Variants in RXRA observed in about 807,000 individuals in gnomAD.
RXRA encodes the protein retinoid X receptor alpha.
RXRA carries 5 observed loss-of-function variants against 44.5 expected under a neutral mutation model. That is an observed-to-expected ratio of 0.11 (90% CI 0.06 to 0.24). The LOEUF is 0.24. Among genes scored for constraint, RXRA ranks in the 10% least tolerant of loss-of-function variants. The probability of loss-of-function intolerance (pLI) is 1.00; values close to 1 mark genes in which losing one functional copy is unlikely to be tolerated. For synonymous variants in RXRA, 291 were observed against 271.4 expected (o/e 1.07, Z -0.71); for missense variants, 412 against 646.5 (o/e 0.64, Z 3.93).
chr9:134,419,838 A>G (rs2119182488), intron 5 of RXRA, among the ~76,000 whole-genome samples: 1 of 152,298 alleles, frequency 6.6e-6, no homozygotes, highest in South Asian at 2.1e-4. Context: ...TACTGGAGCG[A>G]GAGCCTCACA....
intron 1 of RXRA, among the ~76,000 whole-genome samples, chr9:134,352,043 TC>T (rs1469481723): frequency 2.0e-5 from 3 of 152,114 alleles, no homozygotes; most frequent in African/African-American, 7.2e-5. Context: ...AGAGGGCGGC[TC>T]GGGGCAGCCC....
chr9:134,345,709 G>A (rs146153543), intron 1 of RXRA, among the ~76,000 whole-genome samples: 178 of 152,334 alleles, frequency 1.2e-3, no homozygotes, highest in African/African-American at 3.9e-3. Context: ...AGCAACTGAA[G>A]TTGAAATTAG....
chr9:134,355,176 T>C (rs1554749930), intron 1 of RXRA, among the ~76,000 whole-genome samples: 1 of 152,194 alleles, frequency 6.6e-6, no homozygotes, highest in Non-Finnish European at 1.5e-5. Flanking sequence ...TGCTGGCGTT[T>C]GTCCTCACCT....
At chr9:134,435,828 A>G (rs887658311) in intron 9 of RXRA, among the ~76,000 whole-genome samples, 1 of 152,052 alleles carries the variant, frequency 6.6e-6, no homozygotes, top group Non-Finnish European at 1.5e-5. Flanking sequence ...AGCCAGATGC[A>G]TTACTGATAC....
intron 1 of RXRA, among the ~76,000 whole-genome samples, chr9:134,329,927 C>T (rs527485254): frequency 3.3e-5 from 5 of 152,282 alleles, no homozygotes; most frequent in Admixed American, 1.3e-4. Context: ...GGGGCCTGGT[C>T]GTGCATGTGG....
intron 1 of RXRA, among the ~76,000 whole-genome samples, chr9:134,355,683 A>C (rs1372076083): frequency 6.6e-6 from 1 of 151,422 alleles, no homozygotes; most frequent in Non-Finnish European, 1.5e-5. Context: ...AGCTGTGTGC[A>C]CCCCCGCTGG....
chr9:134,429,293 G>A lies in RXRA; in HGVS notation c.1043+53G>A. The A allele has an allele frequency of 3.1e-6, 5 of 1,588,340 alleles. No homozygotes were observed. The South Asian group carries it at 4.4e-5, about 14-fold the overall frequency. On this transcript the variant is annotated intron_variant, in intron 7 of 9. Transcript: ENST00000481739. ...GCGCTTCGGTCACCTCCGCCACCAG[G>A]CCAGCTGAGTTCAGCCACCTTGGCC...
At chr9:134,329,961 G>T (rs1216684007) in intron 1 of RXRA, among the ~76,000 whole-genome samples, 1 of 152,244 alleles carries the variant, frequency 6.6e-6, no homozygotes, top group Non-Finnish European at 1.5e-5. Context: ...CATCAGGAGA[G>T]GGTGGGACAG....
intron 1 of RXRA, among the ~76,000 whole-genome samples, chr9:134,337,777 T>G (rs1030184550): frequency 1.3e-5 from 2 of 152,072 alleles, no homozygotes; most frequent in Non-Finnish European, 2.9e-5. Flanking sequence ...TGCCTTCCCT[T>G]GCATCAGACA....
intron 1 of RXRA, among the ~76,000 whole-genome samples, chr9:134,335,537 G>C (rs1196630357): frequency 6.6e-6 from 1 of 152,204 alleles, no homozygotes; most frequent in Non-Finnish European, 1.5e-5. Context: ...GTGTGACCAG[G>C]CTCCTCTGGC....
intron 1 of RXRA, among the ~76,000 whole-genome samples, chr9:134,382,946 C>T (rs970620691): frequency 5.3e-5 from 8 of 152,198 alleles, no homozygotes; most frequent in Non-Finnish European, 7.3e-5. Flanking sequence ...GCTGTCTGGA[C>T]AGGACCTGGT....
chr9:134,412,643 C>T (rs142224702), intron 4 of RXRA, among the ~76,000 whole-genome samples: 14 of 152,142 alleles, frequency 9.2e-5, no homozygotes, highest in Non-Finnish European at 1.5e-4. Context: ...GGTGGGGGGA[C>T]GTGCAGTGGT....
At chr9:134,421,878 C>A in intron 6 of RXRA, 73 bp downstream of exon 6, 2 of 1,571,500 alleles carry the variant, frequency 1.3e-6, no homozygotes, top group South Asian at 1.1e-5. Context: ...TCCCCCCTCC[C>A]GGGATACTCC....
chr9:134,370,237 A>T (rs1284288961), intron 1 of RXRA, among the ~76,000 whole-genome samples: 1 of 151,986 alleles, frequency 6.6e-6, no homozygotes, highest in East Asian at 1.9e-4. Flanking sequence ...GACGTGGGGG[A>T]GCACACGCTC....
Position 134,339,375 on chromosome 9 carries a change from C to T in RXRA, c.28+12716C>T, listed in dbSNP as rs550787827. ...GCTGGGATTCCAGCCAGGGTTTGTG[C>T]GCGTGAGCCTCTGTCTGCGTGTGAG... On this transcript the variant is annotated intron_variant, in intron 1 of 9. Transcript: ENST00000481739. Among the ~76,000 whole-genome samples, 30 of 151,956 alleles carry T rather than the reference C, an allele frequency of 2.0e-4. No homozygotes were observed. The East Asian group carries it at 5.4e-3, about 27-fold the overall frequency.
At chr9:134,403,307 C>G (rs1830993929) in intron 2 of RXRA, 1 of 152,322 alleles carries the variant, frequency 6.6e-6, no homozygotes, top group Non-Finnish European at 1.5e-5. Flanking sequence ...ACTGGGGCCT[C>G]TGCTCCGTGT....
At chr9:134,333,266 C>T (rs546643476) in intron 1 of RXRA, among the ~76,000 whole-genome samples, 18 of 152,286 alleles carry the variant, frequency 1.2e-4, no homozygotes, top group East Asian at 3.9e-4. Context: ...TAGGCTTCAG[C>T]CCCAGCTCCT....
intron 1 of RXRA, among the ~76,000 whole-genome samples, chr9:134,400,542 G>A (rs1830942884): frequency 6.6e-6 from 1 of 152,232 alleles, no homozygotes; most frequent in Non-Finnish European, 1.5e-5. Context: ...CAGGCAGGCA[G>A]TGCCTCCAGC....
chr9:134,346,147 T>C (rs1830148536), intron 1 of RXRA, among the ~76,000 whole-genome samples: 1 of 152,066 alleles, frequency 6.6e-6, no homozygotes, highest in South Asian at 2.1e-4. Flanking sequence ...GCTGGCTCAT[T>C]CTAAGCACCT....
Sources: allele counts gnomAD v4.1 joint callset (sites outside exome capture counted in the v4.1 genomes callset), GRCh38; gene constraint gnomAD v4.1.1; transcripts MANE v1.5; gene names NCBI Gene and HGNC (gene_info 2026-07-23, HGNC 2026-07-21).